MOB3B: variants seen among roughly 807,000 people sequenced by gnomAD.
MOB3B encodes the protein MOB kinase activator-like 2B.
In MOB3B, 7 loss-of-function variants were observed where a neutral mutation model predicts 18.7. The observed-to-expected ratio is 0.37, with a 90% CI of 0.21 to 0.70. The LOEUF (loss-of-function observed/expected upper bound fraction) is 0.70. MOB3B is among the 30% of genes least tolerant of loss of function. The pLI, the probability that MOB3B is intolerant of heterozygous loss-of-function variation, is 0.52. For synonymous variants in MOB3B, 111 were observed against 99.9 expected (o/e 1.11, Z -0.66); for missense variants, 253 against 281.3 (o/e 0.90, Z 0.72).
chr9:27,459,731 G>C (rs1587231660), intron 1 of MOB3B, among the ~76,000 whole-genome samples: 1 of 152,074 alleles, frequency 6.6e-6, no homozygotes, highest in East Asian at 1.9e-4. Flanking sequence ...CAGCACCTAG[G>C]AGGTCTCCAG....
intron 2 of MOB3B, among the ~76,000 whole-genome samples, chr9:27,365,433 A>G (rs1429249269): frequency 6.8e-6 from 1 of 146,622 alleles, no homozygotes; most frequent in Admixed American, 7.0e-5. Context: ...AGTTAATGCC[A>G]GACAACATTA....
chr9:27,380,014 C>T (rs1441747977), intron 2 of MOB3B, among the ~76,000 whole-genome samples: 2 of 152,076 alleles, frequency 1.3e-5, no homozygotes, highest in Non-Finnish European at 2.9e-5. Context: ...ACGGTTAAAA[C>T]ATTAACCCCA....
Position 27,405,093 on chromosome 9 carries a change from C to CTTTTTTT in MOB3B, c.419-45864_419-45858dup, listed in dbSNP as rs74178386. On this transcript the variant is annotated intron_variant, in intron 2 of 3. Transcript: ENST00000262244. ...AGAAATATCTATTCAGAACCTTTGTCTTTTTTTTTTTTTTTTTTTTTTTTT... is the reference window on the plus strand; with the variant it reads ...AGAAATATCTATTCAGAACCTTTGTCTTTTTTTTTTTTTTTTTTTTTTTTTTTTTTTT... Among the ~76,000 whole-genome samples, 46 of 48,428 alleles carry CTTTTTTT rather than the reference C, an allele frequency of 9.5e-4. 1 individual carries two copies. Among genetic ancestry groups the CTTTTTTT allele is most frequent in the African/African-American group, 1.2e-3 (14 of 11,334 alleles). 31.8% of individuals were successfully genotyped at this position (48,428 alleles called of 152,430 possible). A position where few individuals can be genotyped will look rare whatever the true frequency, so the allele number is the denominator to read the frequency against.
At chr9:27,434,322 T>C (rs62541569) in intron 2 of MOB3B, among the ~76,000 whole-genome samples, 26,452 of 152,018 alleles carry the variant, frequency 0.17, 2,574 homozygotes, top group Middle Eastern at 0.26. Flanking sequence ...TGCTCATGAA[T>C]ACCAGTCTCC....
intron 3 of MOB3B, among the ~76,000 whole-genome samples, chr9:27,335,343 G>A (rs1302568956): frequency 6.6e-6 from 1 of 152,182 alleles, no homozygotes; most frequent in Non-Finnish European, 1.5e-5. Flanking sequence ...CCATCGGAAA[G>A]TAAGTGACTT....
chr9:27,511,479 GC>G (rs1237140588), intron 1 of MOB3B, among the ~76,000 whole-genome samples: 1 of 152,202 alleles, frequency 6.6e-6, no homozygotes, highest in African/African-American at 2.4e-5. Flanking sequence ...TTCAGCATCA[GC>G]TGCGGATGTT....
At chr9:27,501,745 C>T (rs577050365) in intron 1 of MOB3B, among the ~76,000 whole-genome samples, 6 of 134,164 alleles carry the variant, frequency 4.5e-5, no homozygotes, top group East Asian at 2.3e-4. Flanking sequence ...GTAGTCTGGG[C>T]GACAGAGTGA....
At chr9:27,525,203 G>C (rs147687043) in intron 1 of MOB3B, among the ~76,000 whole-genome samples, 3 of 152,094 alleles carry the variant, frequency 2.0e-5, no homozygotes, top group South Asian at 2.1e-4. Context: ...TTCCCTCTCC[G>C]TCTTCTTCTA....
rs1397954366 is a variant in MOB3B, at chr9:27,327,271, A to G, written c.*3316T>C. ...CACTCTATAAATGTATGTGTCCTGA[A>G]TTTCAGAGCTTAATAATGAATTATG... On this transcript the variant is annotated 3_prime_UTR_variant, in exon 4 of 4. Coordinates refer to ENST00000262244, the MANE Select transcript of MOB3B (RefSeq NM_024761.5). 1 of 152,236 alleles carries G rather than the reference A, an allele frequency of 6.6e-6. No individual in the cohort carries two copies. Among genetic ancestry groups the G allele is most frequent in the Non-Finnish European group, 1.5e-5 (1 of 68,050 alleles). The allele number at this position is 152,236 out of a possible 1,614,324, so 9.4% of individuals were successfully genotyped here. A position where few individuals can be genotyped will look rare whatever the true frequency, so the allele number is the denominator to read the frequency against.
At chr9:27,467,278 G>T (rs1394425197) in intron 1 of MOB3B, among the ~76,000 whole-genome samples, 1 of 152,190 alleles carries the variant, frequency 6.6e-6, no homozygotes, top group Admixed American at 6.5e-5. Flanking sequence ...TGGGCTAAAT[G>T]CTTTCTCTTT....
chr9:27,383,130 C>G (rs991335395), intron 2 of MOB3B, among the ~76,000 whole-genome samples: 45 of 151,986 alleles, frequency 3.0e-4, no homozygotes, highest in African/African-American at 1.0e-3. Flanking sequence ...TCTAGGACTC[C>G]CAGCCTACCC....
At chr9:27,334,805 T>C (rs1820838240) in intron 3 of MOB3B, among the ~76,000 whole-genome samples, 1 of 149,394 alleles carries the variant, frequency 6.7e-6, no homozygotes. Flanking sequence ...TCACACATTT[T>C]AGTAATCTAA....
intron 1 of MOB3B, among the ~76,000 whole-genome samples, chr9:27,481,511 G>GTTTTTTTTTTTTTTTTTTT (rs536716885): frequency 2.9e-5 from 2 of 69,722 alleles, no homozygotes; most frequent in Non-Finnish European, 7.5e-5. Context: ...TTTTTTTTTT[G>GTTTTTTTTTTTTTTTTTTT]TTTTTTTTGT....
intron 1 of MOB3B, among the ~76,000 whole-genome samples, chr9:27,475,370 A>T (rs1819538572): frequency 6.6e-6 from 1 of 152,280 alleles, no homozygotes; most frequent in African/African-American, 2.4e-5. Flanking sequence ...AAACTGCGAG[A>T]TAATAAACGT....
At chr9:27,504,909 C>A (rs1820036352) in intron 1 of MOB3B, among the ~76,000 whole-genome samples, 1 of 152,146 alleles carries the variant, frequency 6.6e-6, no homozygotes. Context: ...CTTCTGGAGG[C>A]TGCCTGCATT....
intron 1 of MOB3B, among the ~76,000 whole-genome samples, chr9:27,523,325 C>G (rs1820369428): frequency 6.6e-6 from 1 of 152,082 alleles, no homozygotes; most frequent in African/African-American, 2.4e-5. Context: ...AAATGGGTGA[C>G]TTCCTACTCA....
intron 3 of MOB3B, among the ~76,000 whole-genome samples, chr9:27,332,780 G>A (rs1322363579): frequency 1.3e-5 from 2 of 152,186 alleles, no homozygotes; most frequent in Non-Finnish European, 1.5e-5. Flanking sequence ...AAACCCTCAG[G>A]GAAGGAGAGT....
intron 1 of MOB3B, among the ~76,000 whole-genome samples, chr9:27,511,344 T>G (rs1189639403): frequency 6.6e-6 from 1 of 152,206 alleles, no homozygotes; most frequent in Non-Finnish European, 1.5e-5. Flanking sequence ...ATGTACTTTT[T>G]GCAGCCTTGG....
intron 3 of MOB3B, among the ~76,000 whole-genome samples, chr9:27,334,744 T>G (rs1256312345): frequency 1.3e-5 from 2 of 152,270 alleles, no homozygotes; most frequent in South Asian, 2.1e-4. Flanking sequence ...ACTCTCTGAC[T>G]TAGGCAAGAC....
Sources: allele counts gnomAD v4.1 joint callset (sites outside exome capture counted in the v4.1 genomes callset), GRCh38; gene constraint gnomAD v4.1.1; transcripts MANE v1.5; gene names NCBI Gene and HGNC (gene_info 2026-07-23, HGNC 2026-07-21).